The following GREB1 variants were observed in gnomAD, a reference collection of about 807,000 sequenced individuals.
The protein encoded by GREB1 is protein GREB1.
In GREB1, 106 loss-of-function variants were observed where a neutral mutation model predicts 200.7. The observed-to-expected ratio is 0.53, with a 90% CI of 0.45 to 0.62. The LOEUF is 0.62. Among genes scored for constraint, GREB1 ranks in the 20% least tolerant of loss-of-function variants. GREB1 has a pLI of 0.00. For missense variants in GREB1, 2,243 were observed against 2,556.8 expected (o/e 0.88, Z 2.65); for synonymous variants, 1,132 against 1,092.4 (o/e 1.04, Z -0.72).
At chr2:11,567,418 C>A (rs1224013057) in intron 4 of GREB1, among the ~76,000 whole-genome samples, 1 of 152,200 alleles carries the variant, frequency 6.6e-6, no homozygotes, top group Non-Finnish European at 1.5e-5. Context: ...AGCCACCACG[C>A]CCAGCCAAGA....
rs1375956135 is a variant in GREB1, at chr2:11,633,524, A to G, written c.4991+461A>G. ...GCTTGTAGTAAGTGGAGATGGCGCC[A>G]CTGCACTCCAGCCTGGCAGACAGAG... On this transcript the variant is annotated intron_variant, in intron 28 of 32. Coordinates refer to ENST00000381486, the MANE Select transcript of GREB1 (RefSeq NM_014668.4). The surrounding 1 kb of genome is among the most constrained non-coding windows in gnomAD (Gnocchi z 4.1). 1.3e-5 allele frequency among the ~76,000 whole-genome samples: 2 copies of G among 151,684 alleles called. No individual in the cohort carries two copies. Among genetic ancestry groups the G allele is most frequent in the Admixed American group, 6.6e-5 (1 of 15,222 alleles).
chr2:11,518,824 C>T (rs376594336), intron 1 of GREB1, among the ~76,000 whole-genome samples: 1 of 151,834 alleles, frequency 6.6e-6, no homozygotes, highest in African/African-American at 2.4e-5. Context: ...TCCCGCCAGG[C>T]GAGGTGGCTC....
intron 1 of GREB1, among the ~76,000 whole-genome samples, chr2:11,511,276 A>G (rs985690671): frequency 9.9e-5 from 15 of 152,278 alleles, no homozygotes; most frequent in South Asian, 6.2e-4. Flanking sequence ...GTGCTACACA[A>G]TCATCCCCAT....
chr2:11,610,678 T>A lies in GREB1; in HGVS notation c.2667-10T>A. On this transcript the variant is annotated splice_polypyrimidine_tract_variant and intron_variant, in intron 17 of 32. Coordinates refer to ENST00000381486, the MANE Select transcript of GREB1 (RefSeq NM_014668.4). ...CCGTCACAGACATGGTCTCTCTGTG[T>A]TCCTTGCAGGTTCCCCCGCCTGCAC... 1 of 1,601,124 alleles carries A rather than the reference T, an allele frequency of 6.2e-7. No homozygotes were observed. The highest frequency in any genetic ancestry group is 1.1e-5 in the South Asian group (1 of 89,576).
At chr2:11,638,834 C>A (rs1222582173) in intron 32 of GREB1, 25 bp downstream of exon 32, 1 of 1,610,510 alleles carries the variant, frequency 6.2e-7, no homozygotes, top group Admixed American at 1.7e-5. Flanking sequence ...CTTAACTCTG[C>A]ACCTTGTCTT....
At chr2:11,538,946 CGTG>C (rs1674501857) in intron 1 of GREB1, among the ~76,000 whole-genome samples, 1 of 16,688 alleles carries the variant, frequency 6.0e-5, no homozygotes, top group African/African-American at 1.5e-4. Flanking sequence ...CCCCTCCCCT[CGTG>C]TCCCCTCCCC....
At chr2:11,533,620 C>A (rs1188154968), upstream of GREB1, among the ~76,000 whole-genome samples, 1 of 152,202 alleles carries the variant, frequency 6.6e-6, no homozygotes, top group African/African-American at 2.4e-5. Flanking sequence ...GGATGATACA[C>A]AGATTGCTAC....
chr2:11,584,595 T>A (rs886642265), intron 7 of GREB1, among the ~76,000 whole-genome samples: 1 of 152,262 alleles, frequency 6.6e-6, no homozygotes, highest in South Asian at 2.1e-4. Flanking sequence ...TCTGGCTACC[T>A]TATTGGGTCC....
At chr2:11,541,357 C>G (rs1674724481) in intron 1 of GREB1, among the ~76,000 whole-genome samples, 1 of 152,108 alleles carries the variant, frequency 6.6e-6, no homozygotes, top group African/African-American at 2.4e-5. Flanking sequence ...TGCCATGGAT[C>G]CTTCTGGAGG....
At chr2:11,559,067 C>T (rs1676718781) in intron 2 of GREB1, among the ~76,000 whole-genome samples, 1 of 151,988 alleles carries the variant, frequency 6.6e-6, no homozygotes, top group South Asian at 2.1e-4. Flanking sequence ...TCCTGTAGTC[C>T]CACCCACTTA....
At chr2:11,606,556 G>A (rs957220929) in intron 17 of GREB1, among the ~76,000 whole-genome samples, 4 of 151,728 alleles carry the variant, frequency 2.6e-5, no homozygotes, top group Admixed American at 2.0e-4. Context: ...CTCTATAATC[G>A]CTTCTGATAT....
chr2:11,580,690 C>CT lies in GREB1; in HGVS notation c.773-13dup. The stretch of plus-strand genomic sequence containing the variant: ...GTGAACTGACCCTCCTCTTTGCCTT[C>CT]TATCTGTTTTCAGGACCAGCTTCTG... On this transcript the variant is annotated splice_polypyrimidine_tract_variant and intron_variant, in intron 6 of 32. Transcript: ENST00000381486. This position sits in a 1 kb window ranked among gnomAD's most constrained non-coding sequence, Gnocchi z 4.5. 1 of 1,601,974 alleles carries CT rather than the reference C, an allele frequency of 6.2e-7. No individual in the cohort carries two copies.
At chr2:11,572,636 G>A (rs1349660903) in intron 4 of GREB1, among the ~76,000 whole-genome samples, 1 of 151,918 alleles carries the variant, frequency 6.6e-6, no homozygotes, top group Admixed American at 6.6e-5. Flanking sequence ...TGCTCCCCTA[G>A]GGCCACATGT....
At position 11,615,216 on chromosome 2, in the gene GREB1, G is replaced by C. The variant is rs1452461636; in HGVS notation, c.3248G>C (p.Arg1083Thr). 1 of 1,613,758 alleles carries C rather than the reference G, an allele frequency of 6.2e-7. No individual in the cohort carries two copies. The highest frequency in any genetic ancestry group is 8.5e-7 in the Non-Finnish European group (1 of 1,179,886). ...GAGGTTCCCTTGGAGAAGGGGGCTA[G>C]GAACGAGGCCTTGGAGAGTGATGCT... Reference protein sequence around the residue: ...SNEVPLEKGARNEALESDAEK... With the variant: ...SNEVPLEKGATNEALESDAEK... The change falls in exon 20 of 33, where the codon AGG (arginine) becomes ACG (threonine). Residue 1083 changes from arginine to threonine, a missense_variant. By Grantham distance (71) the Arg-to-Thr change is moderately conservative. This residue lies in a region of GREB1 where 587 missense variants were observed against 553.1 expected (regional missense o/e 1.06). Coordinates refer to ENST00000381486, the MANE Select transcript of GREB1 (RefSeq NM_014668.4).
At chr2:11,586,233 C>T (rs181678243) in intron 9 of GREB1, among the ~76,000 whole-genome samples, 193 of 152,292 alleles carry the variant, frequency 1.3e-3, no homozygotes, top group South Asian at 2.5e-3. Flanking sequence ...GTCCCAGACC[C>T]GGTGCTGAGT....
intron 24 of GREB1, among the ~76,000 whole-genome samples, chr2:11,626,455 G>A (rs781630690): frequency 3.9e-5 from 6 of 152,096 alleles, no homozygotes; most frequent in Admixed American, 6.6e-5. Context: ...AGGTTTGGTG[G>A]CGTGCACCTG....
chr2:11,607,551 C>CATATAT (rs1256464294), intron 17 of GREB1, among the ~76,000 whole-genome samples: 1 of 107,388 alleles, frequency 9.3e-6, no homozygotes, highest in African/African-American at 4.6e-5. Flanking sequence ...CATATATGTA[C>CATATAT]ATACATATAT....
chr2:11,638,054 T>C, intron 31 of GREB1, 138 bp downstream of exon 31: 1 of 743,280 alleles, frequency 1.3e-6, no homozygotes, highest in Non-Finnish European at 2.3e-6. Context: ...GGTTTTGCCA[T>C]TCAGCTGAGA....
At chr2:11,591,574 G>T in intron 10 of GREB1, 1 of 652,618 alleles carries the variant, frequency 1.5e-6, no homozygotes, top group South Asian at 1.8e-5. Flanking sequence ...TGGTGCTTAG[G>T]TGCGGTAAAA....
Sources: allele counts gnomAD v4.1 joint callset (sites outside exome capture counted in the v4.1 genomes callset), GRCh38; gene constraint gnomAD v4.1.1; regional missense constraint gnomAD v4.1.1; non-coding constraint Gnocchi (gnomAD v3.1); transcripts MANE v1.5; gene names NCBI Gene and HGNC (gene_info 2026-07-23, HGNC 2026-07-21).